The following TENM1 variants were observed in gnomAD, a reference collection of about 807,000 sequenced individuals.
The protein encoded by TENM1 is teneurin transmembrane protein 1.
A neutral mutation model predicts 174.8 loss-of-function variants in TENM1; 35 were observed. The ratio of observed to expected loss-of-function variants is 0.20; its 90% CI spans 0.15 to 0.27. The LOEUF (loss-of-function observed/expected upper bound fraction) is 0.27. TENM1 is among the 10% of genes least tolerant of loss of function. TENM1 has a pLI of 1.00. For missense variants in TENM1, 1,633 were observed against 2,130.1 expected (o/e 0.77, Z 4.59); for synonymous variants, 781 against 798.7 (o/e 0.98, Z 0.37).
chrX:125,082,838 T>C, the TENM1 span, among the ~76,000 whole-genome samples: 1 of 111,429 alleles, frequency 9.0e-6, no homozygotes, highest in Non-Finnish European at 1.9e-5. Flanking sequence ...ATGGGGTACA[T>C]GAGGTATTTT....
rs915321295 is a variant in TENM1, at chrX:124,941,537, T to G, written c.217+22000A>C. ...TCACACCAGTCTCAAATATCAGTTA[T>G]GTATCAACAATATCCAGATCCATTT... is the stretch of plus-strand genomic sequence containing the variant. On this transcript the variant is annotated intron_variant, in intron 1 of 31. Transcript: ENST00000422452. Among the ~76,000 whole-genome samples, 3 of 112,246 alleles carry G rather than the reference T, an allele frequency of 2.7e-5. No individual in the cohort carries two copies. The Admixed American group carries it at 2.8e-4, about 11-fold the overall frequency.
chrX:125,031,322 T>TGGG, the TENM1 span, among the ~76,000 whole-genome samples: 4 of 111,433 alleles, frequency 3.6e-5, no homozygotes, highest in East Asian at 8.4e-4. Flanking sequence ...TAATATAAAT[T>TGGG]AAGGAGTTGT....
chrX:124,463,502 T>A (rs1181388232), intron 22 of TENM1, among the ~76,000 whole-genome samples: 2 of 111,796 alleles, frequency 1.8e-5, no homozygotes, highest in Non-Finnish European at 3.8e-5. Flanking sequence ...TTCTGTGTTC[T>A]GTAAATAAGA....
intron 3 of TENM1, among the ~76,000 whole-genome samples, chrX:124,824,134 T>TA (rs1205809909): frequency 1.8e-5 from 2 of 111,720 alleles, no homozygotes; most frequent in Non-Finnish European, 3.8e-5. Context: ...CACAAAATGT[T>TA]AGGGTGAAAT....
intron 3 of TENM1, among the ~76,000 whole-genome samples, chrX:124,742,909 C>T (rs1365267041): frequency 9.0e-6 from 1 of 111,054 alleles, no homozygotes; most frequent in African/African-American, 3.3e-5. Flanking sequence ...CCTGAGGTTG[C>T]TTTTCTGAGC....
the TENM1 span, among the ~76,000 whole-genome samples, chrX:125,161,535 T>C: frequency 6.3e-5 from 7 of 111,714 alleles, no homozygotes; most frequent in South Asian, 2.6e-3. Context: ...AATCCAATCA[T>C]CAAAACCCAC....
At chrX:124,733,007 A>G (rs1232658724) in intron 4 of TENM1, among the ~76,000 whole-genome samples, 1 of 111,921 alleles carries the variant, frequency 8.9e-6, no homozygotes, top group Non-Finnish European at 1.9e-5. Context: ...TTGCAACCAG[A>G]GAGGCTAATA....
chrX:124,772,286 C>T (rs1190172842), intron 3 of TENM1, among the ~76,000 whole-genome samples: 2 of 111,335 alleles, frequency 1.8e-5, no homozygotes, highest in Non-Finnish European at 3.8e-5. Flanking sequence ...CACGCACACG[C>T]CACCACACCC....
intron 1 of TENM1, among the ~76,000 whole-genome samples, chrX:124,940,148 A>C (rs1214817931): frequency 8.9e-6 from 1 of 111,780 alleles, no homozygotes; most frequent in East Asian, 2.8e-4. Context: ...ATCAAAGTAC[A>C]TTCTGCAGGT....
chrX:124,601,231 A>G (rs1438988798), intron 11 of TENM1, among the ~76,000 whole-genome samples: 1 of 111,802 alleles, frequency 8.9e-6, no homozygotes, highest in Admixed American at 9.5e-5. Flanking sequence ...TGGGATTCAA[A>G]AAGGAATTTC....
intron 14 of TENM1, among the ~76,000 whole-genome samples, chrX:124,553,272 G>T (rs1291312645): frequency 2.9e-5 from 3 of 103,556 alleles, no homozygotes; most frequent in South Asian, 4.5e-4. Context: ...TGAGGGGGGG[G>T]GTGGATCACC....
the TENM1 span, among the ~76,000 whole-genome samples, chrX:125,145,662 T>C: frequency 1.8e-5 from 2 of 111,977 alleles, no homozygotes; most frequent in African/African-American, 6.5e-5. Flanking sequence ...TATATTTGAA[T>C]GCAAAAAAGA....
chrX:124,737,139 C>T (rs1408219061), exon 4 of TENM1: 9 of 1,206,730 alleles, frequency 7.5e-6, no homozygotes, highest in African/African-American at 1.8e-5. Flanking sequence ...CATGAGGAGG[C>T]GGAGGTGGCG....
rs192615003 is a variant in TENM1, at chrX:124,860,869, T to A, written c.535+33427A>T. Among the ~76,000 whole-genome samples the A allele has an allele frequency of 5.5e-3, 617 of 111,602 alleles. 4 individuals are homozygous for A. The highest frequency in any genetic ancestry group is 0.019 in the African/African-American group (594 of 30,782). ...CTTGGGAGAACGTGATAAAAAAAAA[T>A]TCTGAATGCCTGCCCAATTTAGCAG... On this transcript the variant is annotated intron_variant, in intron 3 of 31. Coordinates refer to ENST00000422452, the Ensembl canonical transcript of TENM1.
intron 3 of TENM1, among the ~76,000 whole-genome samples, chrX:124,781,476 A>T (rs2054910721): frequency 9.0e-6 from 1 of 111,720 alleles, no homozygotes; most frequent in Admixed American, 9.5e-5. Context: ...CATATAAAAT[A>T]CTCTACTTTA....
chrX:125,160,072 C>T, the TENM1 span, among the ~76,000 whole-genome samples: 6 of 108,658 alleles, frequency 5.5e-5, no homozygotes, highest in Non-Finnish European at 9.5e-5. Context: ...TGGTGGCAGG[C>T]GCTTGTAATC....
At chrX:124,896,823 A>T (rs895232140) in intron 1 of TENM1, among the ~76,000 whole-genome samples, 2 of 111,837 alleles carry the variant, frequency 1.8e-5, no homozygotes, top group Non-Finnish European at 3.8e-5. Context: ...ACGGAGTTCA[A>T]GGCTGACTTT....
At chrX:125,170,369 A>G in the TENM1 span, among the ~76,000 whole-genome samples, 1 of 111,630 alleles carries the variant, frequency 9.0e-6, no homozygotes, top group Non-Finnish European at 1.9e-5. Flanking sequence ...GCTTTGCTGA[A>G]TAAGCTTCTT....
Position 124,749,578 on chromosome X carries a change from G to C in TENM1, c.536-12381C>G, listed in dbSNP as rs775395531. Among the ~76,000 whole-genome samples the C allele has an allele frequency of 6.2e-5, 7 of 112,394 alleles. No homozygotes were observed. The East Asian group carries it at 1.9e-3, about 31-fold the overall frequency. On this transcript the variant is annotated intron_variant, in intron 3 of 31. Transcript: ENST00000422452. ...TCACAGTACGTCAAACCCCATGAGGGAAGGAGTTGTGGATAACCGTTTGAA... is the reference window on the plus strand; with the variant it reads ...TCACAGTACGTCAAACCCCATGAGGCAAGGAGTTGTGGATAACCGTTTGAA...
Sources: gnomAD v4.1 joint callset for allele counts (sites outside exome capture counted in the v4.1 genomes callset) on GRCh38, gnomAD v4.1.1 for gene constraint, MANE v1.5 for transcripts, NCBI Gene and HGNC (gene_info 2026-07-23, HGNC 2026-07-21) for gene names.